Variants in RIC1 observed in about 807,000 individuals in gnomAD.
The protein encoded by RIC1 is guanine nucleotide exchange factor subunit RIC1.
A neutral mutation model predicts 169.0 loss-of-function variants in RIC1; 88 were observed. That is an observed-to-expected ratio of 0.52 (90% CI 0.44 to 0.62). The LOEUF is 0.62. Ranked by LOEUF, RIC1 falls within the 20% of genes least tolerant of loss-of-function variation. RIC1 has a pLI of 0.00. For missense variants in RIC1, 1,877 were observed against 1,725.5 expected, an observed-to-expected ratio of 1.09 and a Z score of -1.56; for synonymous variants, 790 against 601.5, an observed-to-expected ratio of 1.31 and a Z score of -4.59.
chr9:5,693,588 G>A (rs1284539647), intron 3 of RIC1, among the ~76,000 whole-genome samples: 2 of 152,136 alleles, frequency 1.3e-5, no homozygotes, highest in African/African-American at 4.8e-5. Flanking sequence ...CAGACTAGTT[G>A]AAGGTTGTCT....
intron 6 of RIC1, among the ~76,000 whole-genome samples, chr9:5,730,005 T>C (rs542025766): frequency 5.9e-5 from 9 of 152,038 alleles, no homozygotes; most frequent in Admixed American, 1.3e-4. Flanking sequence ...TTTATTAGTA[T>C]GTAATTAAAT....
intron 2 of RIC1, among the ~76,000 whole-genome samples, chr9:5,667,399 T>C (rs754152832): frequency 6.6e-6 from 1 of 152,218 alleles, no homozygotes; most frequent in African/African-American, 2.4e-5. Context: ...CTAACTTTTA[T>C]TATTTCCTTT....
In RIC1 at chr9:5,714,544, G is replaced by A. The variant is rs570946669; in HGVS notation, c.440+541G>A. ...CTTTAATTGTTGTTCCACTATTGAT[G>A]TTTTAGTTGTCACTTAGTTTAGCTG... On this transcript the variant is annotated intron_variant, in intron 4 of 25. Coordinates refer to ENST00000414202, the MANE Select transcript of RIC1 (RefSeq NM_020829.4). Among the ~76,000 whole-genome samples, 5 of 152,220 alleles carry A rather than the reference G, an allele frequency of 3.3e-5. 1 individual carries two copies. In the South Asian group the frequency reaches 1.0e-3, roughly 32 times the overall value.
At chr9:5,634,899 G>A (rs1339165167) in intron 1 of RIC1, among the ~76,000 whole-genome samples, 1 of 152,100 alleles carries the variant, frequency 6.6e-6, no homozygotes, top group Non-Finnish European at 1.5e-5. Flanking sequence ...TGGGTACATA[G>A]TAGATCTGTG....
chr9:5,676,963 G>C (rs1055442581), intron 2 of RIC1, among the ~76,000 whole-genome samples: 1 of 152,200 alleles, frequency 6.6e-6, no homozygotes, highest in Non-Finnish European at 1.5e-5. Flanking sequence ...GTTTGGGGCT[G>C]TAACAAACAA....
chr9:5,718,485 G>T (rs907646980), intron 4 of RIC1, among the ~76,000 whole-genome samples: 2 of 152,168 alleles, frequency 1.3e-5, no homozygotes, highest in East Asian at 3.8e-4. Context: ...CAGTAAGGAA[G>T]AAAGCTAATC....
At chr9:5,668,785 T>C (rs1274428275) in intron 2 of RIC1, among the ~76,000 whole-genome samples, 1 of 152,194 alleles carries the variant, frequency 6.6e-6, no homozygotes, top group Non-Finnish European at 1.5e-5. Context: ...GACATTGTTT[T>C]CTTGATTTTC....
At chr9:5,756,166 G>C (rs756071520) in intron 15 of RIC1, 46 bp from the exon 16 acceptor site, 1 of 1,306,884 alleles carries the variant, frequency 7.7e-7, no homozygotes, top group Non-Finnish European at 1.0e-6. Context: ...GTCATCCCTA[G>C]TAGTTATCTT....
At chr9:5,629,491 C>T (rs1348346323) in intron 1 of RIC1, 38 bp downstream of exon 1, 21 of 1,503,060 alleles carry the variant, frequency 1.4e-5, no homozygotes, top group East Asian at 5.4e-5. Context: ...CCGCTGCCTC[C>T]CCGGCCTCCC....
intron 6 of RIC1, among the ~76,000 whole-genome samples, chr9:5,731,585 G>C (rs1216211849): frequency 6.6e-6 from 1 of 152,050 alleles, no homozygotes; most frequent in South Asian, 2.1e-4. Flanking sequence ...CTTTGCCTTG[G>C]AATTTATCAT....
intron 2 of RIC1, among the ~76,000 whole-genome samples, chr9:5,682,858 C>T (rs1348158620): frequency 6.6e-6 from 1 of 152,144 alleles, no homozygotes; most frequent in Non-Finnish European, 1.5e-5. Context: ...AGGCTTTGTT[C>T]GTTTCTTTTT....
chr9:5,749,919 C>G (rs925803832), intron 12 of RIC1, among the ~76,000 whole-genome samples: 1 of 151,712 alleles, frequency 6.6e-6, no homozygotes, highest in Non-Finnish European at 1.5e-5. Flanking sequence ...GCTGGGATTA[C>G]AGGCACCTGC....
Position 5,747,409 on chromosome 9 carries a change from T to C in RIC1, c.1356T>C (p.His452=), listed in dbSNP as rs147633178. The C allele has an allele frequency of 2.6e-4, 418 of 1,614,088 alleles. 2 individuals are homozygous for C. In the East Asian group the frequency reaches 8.4e-3, roughly 32 times the overall value. ...GGAGTTCTTCAACACACTCTGAGCA[T>C]AAGCCCAGTCGAGAAAAGAGCCCAT... ...NPRSSSTHSE[H]KPSREKSPFA... The change falls in exon 12 of 26, where the codon CAT becomes CAC. Residue 452 remains histidine (H), a synonymous_variant. Coordinates refer to ENST00000414202, the MANE Select transcript of RIC1 (RefSeq NM_020829.4).
chr9:5,741,001 C>A (rs560088507), intron 8 of RIC1, among the ~76,000 whole-genome samples: 50 of 152,276 alleles, frequency 3.3e-4, no homozygotes, highest in African/African-American at 1.2e-3. Flanking sequence ...TCCCATACAT[C>A]CCTTGGAATT....
intron 1 of RIC1, among the ~76,000 whole-genome samples, chr9:5,632,017 G>C (rs1184045374): frequency 6.6e-6 from 1 of 152,176 alleles, no homozygotes; most frequent in African/African-American, 2.4e-5. Flanking sequence ...TGATTTTTGA[G>C]AGGCTGTAGA....
At chr9:5,715,262 G>A (rs1158326051) in intron 4 of RIC1, among the ~76,000 whole-genome samples, 1 of 152,154 alleles carries the variant, frequency 6.6e-6, no homozygotes, top group East Asian at 1.9e-4. Context: ...CCAAGAAAAG[G>A]TGGAATTGTA....
At chr9:5,662,809 G>A (rs1443897799) in intron 2 of RIC1, among the ~76,000 whole-genome samples, 1 of 152,010 alleles carries the variant, frequency 6.6e-6, no homozygotes, top group East Asian at 1.9e-4. Context: ...TTGATCGTTT[G>A]AATGGTCTTT....
intron 2 of RIC1, among the ~76,000 whole-genome samples, chr9:5,677,546 A>G (rs561294519): frequency 9.2e-5 from 14 of 152,194 alleles, no homozygotes; most frequent in Middle Eastern, 3.4e-3. Flanking sequence ...TCCATGATCT[A>G]TTTGTATATA....
In RIC1 at chr9:5,769,252, AACTGGTAATGTAGACTTCAT is replaced by A; in HGVS notation, c.3421_3424+16del. ...CTCCTTTCAAAAATGGAAAATACCG[AACTGGTAATGTAGACTTCAT>A]GTCACTTGTACAAGGAGAATTGTAT... On this transcript the variant is annotated splice_donor_variant and splice_donor_5th_base_variant and coding_sequence_variant and intron_variant, in exon 22 of 26. Coordinates refer to ENST00000414202, the MANE Select transcript of RIC1 (RefSeq NM_020829.4). LOFTEE classifies it high-confidence loss of function. 1 of 1,614,072 alleles carries A rather than the reference AACTGGTAATGTAGACTTCAT, an allele frequency of 6.2e-7. No homozygotes were observed. The highest frequency in any genetic ancestry group is 8.5e-7 in the Non-Finnish European group (1 of 1,179,936).
Sources: allele counts gnomAD v4.1 joint callset (sites outside exome capture counted in the v4.1 genomes callset), GRCh38; gene constraint gnomAD v4.1.1; transcripts MANE v1.5; gene names NCBI Gene and HGNC (gene_info 2026-07-23, HGNC 2026-07-21).